The following CRY1 variants were observed in gnomAD, a reference collection of about 807,000 sequenced individuals.
CRY1 encodes cryptochrome-1.
A neutral mutation model predicts 76.0 loss-of-function variants in CRY1; 45 were observed. The observed-to-expected ratio is 0.59, with a 90% CI of 0.47 to 0.76. CRY1 has a LOEUF of 0.76. Ranked by LOEUF, CRY1 falls within the 30% of genes least tolerant of loss-of-function variation. The pLI is 0.00. For synonymous variants in CRY1, 248 were observed against 244.0 expected (o/e 1.02, Z -0.15); for missense variants, 587 against 716.4 (o/e 0.82, Z 2.06).
chr12:107,086,060 T>C (rs984617291), intron 1 of CRY1, among the ~76,000 whole-genome samples: 3 of 152,132 alleles, frequency 2.0e-5, no homozygotes, highest in African/African-American at 7.3e-5. Context: ...TATGTTATGC[T>C]TGTTAACAAA....
chr12:107,014,047 A>T lies in CRY1; in HGVS notation c.267+8037T>A, dbSNP rs1180923047. Reference sequence around the variant, plus strand: ...GTGGACGGAAAATAAACAAGGAATGAATAAAAAACTTAACAAAAGCTCCCT... The same window carrying T: ...GTGGACGGAAAATAAACAAGGAATGTATAAAAAACTTAACAAAAGCTCCCT... On this transcript the variant is annotated intron_variant, in intron 2 of 12. Coordinates refer to ENST00000008527, the MANE Select transcript of CRY1 (RefSeq NM_004075.5). Among the ~76,000 whole-genome samples, 3 of 152,176 alleles carry T rather than the reference A, an allele frequency of 2.0e-5. No individual in the cohort carries two copies. The East Asian group carries it at 5.8e-4, about 29-fold the overall frequency.
rs73184268 is a variant in CRY1 at position 107,077,777 on chromosome 12, C to T, written c.158+15027G>A. ...TGCCTTGAGCTAATTTCTTACCTCTCTCATAAAAAATCCCCCTCACATTCC... is the reference window on the plus strand; with the variant it reads ...TGCCTTGAGCTAATTTCTTACCTCTTTCATAAAAAATCCCCCTCACATTCC... On this transcript the variant is annotated intron_variant, in intron 1 of 12. Transcript: ENST00000008527. Among the ~76,000 whole-genome samples the T allele has an allele frequency of 9.6e-3, 1,467 of 152,228 alleles. 12 individuals carry two copies. The highest frequency in any genetic ancestry group is 0.016 in the Non-Finnish European group (1,097 of 67,996).
chr12:107,060,130 T>C (rs1038825073), intron 1 of CRY1, among the ~76,000 whole-genome samples: 6 of 152,222 alleles, frequency 3.9e-5, no homozygotes, highest in Admixed American at 2.0e-4. Context: ...CAATATAGTA[T>C]GCTAAGTATT....
chr12:107,078,046 G>C (rs1245614897), intron 1 of CRY1, among the ~76,000 whole-genome samples: 1 of 152,154 alleles, frequency 6.6e-6, no homozygotes, highest in East Asian at 1.9e-4. Context: ...AAAGAAATAA[G>C]ATGTTAAAAC....
At chr12:107,033,395 A>G (rs1179670425) in intron 1 of CRY1, among the ~76,000 whole-genome samples, 2 of 152,200 alleles carry the variant, frequency 1.3e-5, no homozygotes, top group African/African-American at 4.8e-5. Flanking sequence ...GAAAAGGAAT[A>G]TTTAACTTAT....
rs1952689359 is a variant in CRY1, at chr12:107,032,576, G to T, written c.159-10384C>A. On this transcript the variant is annotated intron_variant, in intron 1 of 12. Coordinates refer to ENST00000008527, the MANE Select transcript of CRY1 (RefSeq NM_004075.5). ...CTCAACTTTAAAACTCAGACTTCAG[G>T]CCAGGCACGGTGGCTCACGCCTATA... Among the ~76,000 whole-genome samples the T allele has an allele frequency of 2.0e-5, 3 of 152,034 alleles. No individual in the cohort carries two copies. The South Asian group carries it at 6.2e-4, about 32-fold the overall frequency.
chr12:107,019,448 T>C (rs1480944389), intron 2 of CRY1, among the ~76,000 whole-genome samples: 1 of 152,178 alleles, frequency 6.6e-6, no homozygotes, highest in African/African-American at 2.4e-5. Flanking sequence ...ATTTGTATAT[T>C]AGGGCCCATG....
At chr12:107,059,683 A>G (rs1953026396) in intron 1 of CRY1, among the ~76,000 whole-genome samples, 1 of 152,204 alleles carries the variant, frequency 6.6e-6, no homozygotes, top group Non-Finnish European at 1.5e-5. Context: ...TAGATGATGT[A>G]TACTATATCA....
intron 1 of CRY1, among the ~76,000 whole-genome samples, chr12:107,028,475 T>A (rs569328987): frequency 1.3e-4 from 20 of 152,276 alleles, no homozygotes; most frequent in Admixed American, 1.3e-3. Flanking sequence ...CCTATATCAC[T>A]TTTTATAACT....
intron 1 of CRY1, among the ~76,000 whole-genome samples, chr12:107,061,662 A>G (rs1174957886): frequency 6.6e-6 from 1 of 152,130 alleles, no homozygotes. Context: ...GATCACAGGC[A>G]TGAGCCACTG....
At chr12:107,009,271 C>A (rs138201314) in intron 2 of CRY1, among the ~76,000 whole-genome samples, 2 of 151,864 alleles carry the variant, frequency 1.3e-5, no homozygotes, top group Non-Finnish European at 2.9e-5. Flanking sequence ...AGGCTGGGCA[C>A]GGTGGCTCAC....
chr12:107,085,648 C>G lies in CRY1; in HGVS notation c.158+7156G>C, dbSNP rs184117793. ...ACACGGGGAGGGGAACAGCACATAC[C>G]GGGGCCTGCCAGGGGTTGAGGGGCA... On this transcript the variant is annotated intron_variant, in intron 1 of 12. Coordinates refer to ENST00000008527, the MANE Select transcript of CRY1 (RefSeq NM_004075.5). 5.0e-3 allele frequency among the ~76,000 whole-genome samples: 761 copies of G among 151,948 alleles called. 6 individuals carry two copies. Among genetic ancestry groups the G allele is most frequent in the African/African-American group, 0.017 (717 of 41,424 alleles).
chr12:107,068,376 C>A (rs1408173910), intron 1 of CRY1, among the ~76,000 whole-genome samples: 1 of 152,136 alleles, frequency 6.6e-6, no homozygotes, highest in Non-Finnish European at 1.5e-5. Flanking sequence ...TGGCTAACTG[C>A]AACCTCCGCC....
chr12:107,020,800 G>A (rs923319301), intron 2 of CRY1, among the ~76,000 whole-genome samples: 1 of 152,108 alleles, frequency 6.6e-6, no homozygotes, highest in African/African-American at 2.4e-5. Flanking sequence ...TAAATAGGAA[G>A]GGATGAATAC....
intron 1 of CRY1, among the ~76,000 whole-genome samples, chr12:107,068,240 T>C (rs543165453): frequency 1.3e-5 from 2 of 152,314 alleles, no homozygotes; most frequent in South Asian, 4.1e-4. Flanking sequence ...CTCTGATATA[T>C]AGGGAAACTA....
intron 1 of CRY1, among the ~76,000 whole-genome samples, chr12:107,085,360 AC>A (rs1953385164): frequency 6.6e-6 from 1 of 152,236 alleles, no homozygotes; most frequent in Non-Finnish European, 1.5e-5. Flanking sequence ...TGACACAGGC[AC>A]ATGTATGTTT....
chr12:107,000,535 G>C (rs1593493783), intron 5 of CRY1, among the ~76,000 whole-genome samples: 1 of 151,876 alleles, frequency 6.6e-6, no homozygotes, highest in African/African-American at 2.4e-5. Context: ...TTTTTAGTAG[G>C]GATGGGATTT....
At chr12:107,026,630 G>A (rs984833319) in intron 1 of CRY1, among the ~76,000 whole-genome samples, 1 of 152,140 alleles carries the variant, frequency 6.6e-6, no homozygotes, top group African/African-American at 2.4e-5. Context: ...ATTAGAAACA[G>A]GATCAAATGA....
intron 7 of CRY1, among the ~76,000 whole-genome samples, chr12:106,998,693 A>T (rs11113158): frequency 1.4e-4 from 11 of 80,534 alleles, no homozygotes; most frequent in African/African-American, 5.1e-4. Flanking sequence ...CACACACACA[A>T]GCTCAGAAAT....
Sources: allele counts gnomAD v4.1 joint callset (sites outside exome capture counted in the v4.1 genomes callset), GRCh38; gene constraint gnomAD v4.1.1; transcripts MANE v1.5; gene names NCBI Gene and HGNC (gene_info 2026-07-23, HGNC 2026-07-21).